SCN10A: variants seen among roughly 807,000 people sequenced by gnomAD.
SCN10A encodes sodium channel protein type 10 subunit alpha.
A neutral mutation model predicts 170.7 loss-of-function variants in SCN10A; 162 were observed. That is an observed-to-expected ratio of 0.95 (90% CI 0.84 to 1.08). The LOEUF (loss-of-function observed/expected upper bound fraction) is 1.08. Among genes scored for constraint, SCN10A ranks in the 50% least tolerant of loss-of-function variants. SCN10A has a pLI of 0.00. For missense variants in SCN10A, 2,527 were observed against 2,436.9 expected (o/e 1.04, Z -0.78); for synonymous variants, 985 against 904.6 (o/e 1.09, Z -1.59).
intron 4 of SCN10A, among the ~76,000 whole-genome samples, chr3:38,777,741 T>A (rs1374435170): frequency 6.6e-6 from 1 of 151,946 alleles, no homozygotes; most frequent in Non-Finnish European, 1.5e-5. Flanking sequence ...GATGTGACAA[T>A]GAGATTACTG....
chr3:38,752,497 C>T lies in SCN10A; in HGVS notation c.1477G>A (p.Ala493Thr), dbSNP rs146596599. Residue 493 changes from alanine (A) to threonine (T), a missense_variant, in exon 12 of 28, where the codon GCC (alanine) becomes ACC (threonine). By Grantham distance (58) the Ala-to-Thr change is moderately conservative. Coordinates refer to ENST00000449082, the MANE Select transcript of SCN10A (RefSeq NM_006514.4). ...NQRRMSFLGLASGKRRASHGS... is the reference protein window; with the variant it reads ...NQRRMSFLGLTSGKRRASHGS... Reference sequence around the variant, plus strand: ...TGACTAGCCCGGCGTTTTCCAGAGGCGAGGCCTAGAAAAGACTGGGCATTG... The same window carrying T: ...TGACTAGCCCGGCGTTTTCCAGAGGTGAGGCCTAGAAAAGACTGGGCATTG... The T allele has an allele frequency of 3.6e-5, 57 of 1,590,894 alleles. No individual in the cohort carries two copies. The African/African-American group carries it at 5.0e-4, about 14-fold the overall frequency.
intron 25 of SCN10A, among the ~76,000 whole-genome samples, chr3:38,707,602 A>T (rs2063224525): frequency 6.6e-6 from 1 of 152,200 alleles, no homozygotes; most frequent in African/African-American, 2.4e-5. Context: ...AAGCAAAGCC[A>T]GTTTCTGTTC....
rs1340555599 is a variant in SCN10A at position 38,697,180 on chromosome 3, T to C, written c.*169A>G. 5.9e-6 allele frequency: 6 copies of C among 1,012,364 alleles called. No individual in the cohort carries two copies. The highest frequency in any genetic ancestry group is 3.2e-5 in the African/African-American group (2 of 61,714). 62.7% of individuals were successfully genotyped at this position (1,012,364 alleles called of 1,614,324 possible). A position where few individuals can be genotyped will look rare whatever the true frequency, so the allele number is the denominator to read the frequency against. ...GCTTCTGACTCCTATTTGTGTATGA[T>C]GGTTTTTTCAAAGGTGGTTACCAGT... is the stretch of plus-strand genomic sequence containing the variant. On this transcript the variant is annotated 3_prime_UTR_variant, in exon 28 of 28. Transcript: ENST00000449082.
Position 38,712,154 on chromosome 3 carries a change from G to A in SCN10A, c.4089+7C>T. ...AAGAGATATGGTTGATCTCATGGTT[G>A]ACTCACCACCTGCAGAAGTGCAAGG... is the stretch of plus-strand genomic sequence containing the variant. On this transcript the variant is annotated splice_region_variant and intron_variant, in intron 23 of 27. Transcript: ENST00000449082. 6.2e-7 allele frequency: 1 copy of A among 1,613,172 alleles called. No homozygotes were observed. Among genetic ancestry groups the A allele is most frequent in the Non-Finnish European group, 8.5e-7 (1 of 1,179,240 alleles).
intron 15 of SCN10A, among the ~76,000 whole-genome samples, chr3:38,737,821 T>TTTCTTTCTTTCTTTCTTTC (rs1426077311): frequency 1.5e-5 from 2 of 130,018 alleles, no homozygotes; most frequent in African/African-American, 6.7e-5. Context: ...TCTTTCTTTC[T>TTTCTTTCTTTCTTTCTTTC]TTCTTTCTTT....
chr3:38,798,699 C>T (rs1280514150), intron 1 of SCN10A, among the ~76,000 whole-genome samples: 11 of 151,526 alleles, frequency 7.3e-5, no homozygotes, highest in African/African-American at 2.4e-4. Flanking sequence ...AGTTTAATAG[C>T]TGTTCCTGCT....
In SCN10A at chr3:38,761,400, G is replaced by C; in HGVS notation, c.692-17C>G. 2 of 1,608,158 alleles carry C rather than the reference G, an allele frequency of 1.2e-6. No homozygotes were observed. Among genetic ancestry groups the C allele is most frequent in the South Asian group, 1.1e-5 (1 of 89,968 alleles). ...CCTTCAGGCCTGCGGGAAGATGACA[G>C]TGGTATGACCACATGGATGAGGTAG... On this transcript the variant is annotated splice_polypyrimidine_tract_variant and intron_variant, in intron 6 of 27. Transcript: ENST00000449082.
intron 10 of SCN10A, 39 bp downstream of exon 10, chr3:38,756,635 T>A (rs1576008682): frequency 6.5e-7 from 1 of 1,542,244 alleles, no homozygotes; most frequent in East Asian, 2.2e-5. Context: ...GAATGGACAG[T>A]CTGCAACCTT....
chr3:38,782,483 A>G (rs933208592), intron 4 of SCN10A, among the ~76,000 whole-genome samples: 9 of 151,930 alleles, frequency 5.9e-5, no homozygotes, highest in African/African-American at 1.9e-4. Flanking sequence ...TTGTTCTTGT[A>G]TATTTATACT....
intron 4 of SCN10A, among the ~76,000 whole-genome samples, chr3:38,773,787 T>C (rs73064529): frequency 0.046 from 6,956 of 152,270 alleles, 203 homozygotes; most frequent in Non-Finnish European, 0.073. Context: ...GATTACAATA[T>C]AACTGTAACA....
intron 22 of SCN10A, among the ~76,000 whole-genome samples, chr3:38,713,096 G>C (rs2125990464): frequency 6.6e-6 from 1 of 152,344 alleles, no homozygotes; most frequent in South Asian, 2.1e-4. Flanking sequence ...ATGAGGAAGA[G>C]GTGGGTGTCA....
chr3:38,793,713 A>G, intron 2 of SCN10A, 28 bp downstream of exon 2: 1 of 1,600,796 alleles, frequency 6.2e-7, no homozygotes, highest in Non-Finnish European at 8.5e-7. Context: ...AAGAGCTGAG[A>G]GCAGACATTC....
At chr3:38,757,280 T>C in intron 8 of SCN10A, 121 bp from the exon 9 acceptor site, 2 of 963,236 alleles carry the variant, frequency 2.1e-6, no homozygotes, top group Non-Finnish European at 3.1e-6. Flanking sequence ...TTCCTCTTAT[T>C]AGCAGGATGA....
At chr3:38,734,224 G>C (rs1449755757) in intron 15 of SCN10A, among the ~76,000 whole-genome samples, 1 of 152,030 alleles carries the variant, frequency 6.6e-6, no homozygotes, top group Non-Finnish European at 1.5e-5. Context: ...GTTTTCTCCT[G>C]TTGGCCAGGC....
At chr3:38,748,821 T>C (rs951333719) in intron 13 of SCN10A, among the ~76,000 whole-genome samples, 1 of 152,178 alleles carries the variant, frequency 6.6e-6, no homozygotes, top group African/African-American at 2.4e-5. Context: ...AACGTCTTTG[T>C]TTCTCCTGCC....
chr3:38,749,799 C>G (rs1575998076), intron 13 of SCN10A, among the ~76,000 whole-genome samples: 1 of 152,198 alleles, frequency 6.6e-6, no homozygotes, highest in East Asian at 1.9e-4. Flanking sequence ...TTTTAAAAAT[C>G]TAGTTTTGTG....
chr3:38,798,464 GA>G (rs1248998030), intron 1 of SCN10A, among the ~76,000 whole-genome samples: 1 of 152,136 alleles, frequency 6.6e-6, no homozygotes, highest in Admixed American at 6.6e-5. Context: ...CCTTAATTGG[GA>G]ATCCCTATTT....
At chr3:38,727,147 G>T (rs73825883) in intron 16 of SCN10A, 95 bp from the exon 17 acceptor site, 1 of 1,170,106 alleles carries the variant, frequency 8.5e-7, no homozygotes, top group Non-Finnish European at 1.2e-6. Context: ...AGACAGCCAC[G>T]GCCTGGGCCT....
At chr3:38,701,240 A>T (rs1448096839) in intron 27 of SCN10A, among the ~76,000 whole-genome samples, 1 of 152,200 alleles carries the variant, frequency 6.6e-6, no homozygotes, top group Admixed American at 6.5e-5. Context: ...TGGGCCTGTC[A>T]TTCAACAACA....
Sources: allele counts gnomAD v4.1 joint callset (sites outside exome capture counted in the v4.1 genomes callset), GRCh38; gene constraint gnomAD v4.1.1; transcripts MANE v1.5; gene names NCBI Gene and HGNC (gene_info 2026-07-23, HGNC 2026-07-21).